Variants in SPIRE1 observed in about 807,000 individuals in gnomAD.
SPIRE1 encodes spire type actin nucleation factor 1, also known as protein spire homolog 1.
In SPIRE1, 40 loss-of-function variants were observed where a neutral mutation model predicts 94.1. The ratio of observed to expected loss-of-function variants is 0.43; its 90% CI spans 0.33 to 0.55. The LOEUF is 0.55. Ranked by LOEUF, SPIRE1 falls within the 20% of genes least tolerant of loss-of-function variation. The pLI is 0.06. For missense variants in SPIRE1, 838 were observed against 975.2 expected (o/e 0.86, Z 1.87); for synonymous variants, 376 against 371.7 (o/e 1.01, Z -0.13).
chr18:12,449,613 C>T lies in SPIRE1; in HGVS notation c.*25G>A. 6.2e-7 allele frequency: 1 copy of T among 1,608,960 alleles called. No homozygotes were observed. Among genetic ancestry groups the T allele is most frequent in the Non-Finnish European group, 8.5e-7 (1 of 1,176,636 alleles). ...CGCGCACGGACGCTGACTCGTAGCA[C>T]AAAAGCAGCTGAAAGGCACGAGGCT... On this transcript the variant is annotated 3_prime_UTR_variant, in exon 17 of 17. Coordinates refer to ENST00000409402, the MANE Select transcript of SPIRE1 (RefSeq NM_001128626.2).
intron 3 of SPIRE1, among the ~76,000 whole-genome samples, chr18:12,541,395 G>C (rs569454696): frequency 6.6e-6 from 1 of 152,266 alleles, no homozygotes; most frequent in South Asian, 2.1e-4. Flanking sequence ...CTGATACTAA[G>C]AGAGGTATTT....
At position 12,448,620 on chromosome 18, in the gene SPIRE1, A is replaced by G. The variant is rs1309203173; in HGVS notation, c.*1018T>C. The G allele has an allele frequency of 6.6e-6, 1 of 152,142 alleles. No individual in the cohort carries two copies. Among genetic ancestry groups the G allele is most frequent in the Non-Finnish European group, 1.5e-5 (1 of 68,018 alleles). 9.4% of individuals were successfully genotyped at this position (152,142 alleles called of 1,614,324 possible). ...TCTTCTAACTTTAAAAGAAGTAGAT[A>G]TTTTTTCTTTTAAAATTCATTTATA... On this transcript the variant is annotated 3_prime_UTR_variant, in exon 17 of 17. Transcript: ENST00000409402. The surrounding 1 kb of genome is among the most constrained non-coding windows in gnomAD (Gnocchi z 4.4).
At chr18:12,531,615 C>T (rs760283139) in intron 4 of SPIRE1, among the ~76,000 whole-genome samples, 3 of 152,034 alleles carry the variant, frequency 2.0e-5, no homozygotes, top group Non-Finnish European at 2.9e-5. Flanking sequence ...TACTAATTTG[C>T]AAAGAGTCAC....
Position 12,569,107 on chromosome 18 carries a change from A to G in SPIRE1, c.373-22203T>C, listed in dbSNP as rs1054247868. 3.9e-5 allele frequency among the ~76,000 whole-genome samples: 6 copies of G among 152,154 alleles called. No homozygotes were observed. The East Asian group carries it at 1.2e-3, about 29-fold the overall frequency. On this transcript the variant is annotated intron_variant, in intron 2 of 16. Coordinates refer to ENST00000409402, the MANE Select transcript of SPIRE1 (RefSeq NM_001128626.2). Reference sequence around the variant, plus strand: ...TGCAATCCCAGCACTTCGGGAGGCCAAGGTGGGTGGATTACAAAGTCAGGA... The same window carrying G: ...TGCAATCCCAGCACTTCGGGAGGCCGAGGTGGGTGGATTACAAAGTCAGGA...
chr18:12,450,846 A>G, intron 16 of SPIRE1: 1 of 736,422 alleles, frequency 1.4e-6, no homozygotes, highest in Non-Finnish European at 2.5e-6. Flanking sequence ...AATAACTTAA[A>G]TGACAGTGAA....
At chr18:12,497,037 C>T (rs1274231498) in intron 6 of SPIRE1, among the ~76,000 whole-genome samples, 5 of 152,012 alleles carry the variant, frequency 3.3e-5, no homozygotes, top group African/African-American at 1.2e-4. Flanking sequence ...TACTGCACTC[C>T]AGCCTAGGCA....
At chr18:12,533,825 A>G (rs2144188621) in intron 4 of SPIRE1, among the ~76,000 whole-genome samples, 1 of 152,142 alleles carries the variant, frequency 6.6e-6, no homozygotes, top group Non-Finnish European at 1.5e-5. Context: ...AATCTTTTCT[A>G]CTATTCGAGA....
chr18:12,486,501 G>C (rs1416868546), intron 8 of SPIRE1, among the ~76,000 whole-genome samples: 1 of 152,150 alleles, frequency 6.6e-6, no homozygotes, highest in African/African-American at 2.4e-5. Flanking sequence ...TCACCATTAT[G>C]TGTTAATAAA....
intron 1 of SPIRE1, chr18:12,656,598 C>CT (rs2038544250): frequency 6.5e-6 from 3 of 460,342 alleles, no homozygotes; most frequent in Non-Finnish European, 8.6e-6. Flanking sequence ...ACATTTCCAT[C>CT]AACTTTCTAA....
chr18:12,468,502 A>C (rs2032214294), intron 10 of SPIRE1, among the ~76,000 whole-genome samples: 1 of 152,026 alleles, frequency 6.6e-6, no homozygotes. Flanking sequence ...GTCCTATGAA[A>C]CCTCCAAATT....
chr18:12,452,052 G>A (rs923134429), intron 16 of SPIRE1, among the ~76,000 whole-genome samples: 1 of 152,186 alleles, frequency 6.6e-6, no homozygotes, highest in Non-Finnish European at 1.5e-5. Context: ...TGTGATGAAA[G>A]TATCTTTCAA....
intron 4 of SPIRE1, among the ~76,000 whole-genome samples, chr18:12,525,208 C>T (rs892801511): frequency 5.1e-5 from 7 of 138,064 alleles, no homozygotes; most frequent in East Asian, 2.2e-4. Flanking sequence ...ACCCGGAAGG[C>T]GGAGCTTGCA....
intron 2 of SPIRE1, among the ~76,000 whole-genome samples, chr18:12,563,963 G>C (rs899383968): frequency 5.9e-5 from 9 of 152,066 alleles, no homozygotes; most frequent in African/African-American, 2.2e-4. Flanking sequence ...GATGTAAATA[G>C]AGTATATATA....
At chr18:12,629,688 G>T (rs1349784403) in intron 2 of SPIRE1, among the ~76,000 whole-genome samples, 1 of 151,854 alleles carries the variant, frequency 6.6e-6, no homozygotes, top group Non-Finnish European at 1.5e-5. Context: ...TTGATTGTAG[G>T]GATAGTTAAC....
rs200838501 is a variant in SPIRE1, at chr18:12,471,363, T to TA, written c.1405-6406dup. ...CAAAATTTCTAAGGCCCCTTCCAGT[T>TA]AAAAAAATACTGGTTTCTTTCTTTT... is the stretch of plus-strand genomic sequence containing the variant. On this transcript the variant is annotated intron_variant, in intron 10 of 16. Transcript: ENST00000409402. Among the ~76,000 whole-genome samples the TA allele has an allele frequency of 4.8e-3, 730 of 151,430 alleles. 4 individuals carry two copies. Among genetic ancestry groups the TA allele is most frequent in the African/African-American group, 0.013 (555 of 41,354 alleles).
chr18:12,462,379 T>C (rs1568184874), intron 12 of SPIRE1, among the ~76,000 whole-genome samples: 1 of 152,220 alleles, frequency 6.6e-6, no homozygotes, highest in Non-Finnish European at 1.5e-5. Flanking sequence ...CATTAGATAT[T>C]TGACTGTGGG....
In SPIRE1 at chr18:12,452,399, C is replaced by A; in HGVS notation, c.1876-8G>T. 3 of 1,614,166 alleles carry A rather than the reference C, an allele frequency of 1.9e-6. No homozygotes were observed. The highest frequency in any genetic ancestry group is 2.5e-6 in the Non-Finnish European group (3 of 1,180,028). On this transcript the variant is annotated splice_polypyrimidine_tract_variant and splice_region_variant and intron_variant, in intron 15 of 16. Transcript: ENST00000409402. ...TTTGGAGGGCAGCCGCATCTATTAT[C>A]CCAAATAAAACTGGCAATGAGCAGT...
intron 2 of SPIRE1, among the ~76,000 whole-genome samples, chr18:12,571,160 C>T (rs1163463227): frequency 6.6e-6 from 1 of 152,078 alleles, no homozygotes; most frequent in East Asian, 1.9e-4. Context: ...CTGCAACCTC[C>T]GCTTCCTGGG....
chr18:12,628,716 C>T (rs7231648), intron 2 of SPIRE1, among the ~76,000 whole-genome samples: 149,377 of 152,218 alleles, frequency 0.98, 73,347 homozygotes, highest in Middle Eastern at 1. Context: ...GTGTCTCTCT[C>T]TTATTTTGTT....
Sources: allele counts gnomAD v4.1 joint callset (sites outside exome capture counted in the v4.1 genomes callset), GRCh38; gene constraint gnomAD v4.1.1; non-coding constraint Gnocchi (gnomAD v3.1); transcripts MANE v1.5; gene names NCBI Gene and HGNC (gene_info 2026-07-23, HGNC 2026-07-21).